KCNIP4: variants seen among roughly 807,000 people sequenced by gnomAD.
KCNIP4 encodes potassium voltage-gated channel interacting protein 4.
Under a neutral mutation model 34.0 loss-of-function variants are expected in KCNIP4, and 12 were observed. The observed-to-expected ratio is 0.35, with a 90% CI of 0.23 to 0.57. The LOEUF (loss-of-function observed/expected upper bound fraction) is 0.57, where lower values mean the gene tolerates loss of function less well. Ranked by LOEUF, KCNIP4 falls within the 20% of genes least tolerant of loss-of-function variation. KCNIP4 has a pLI of 0.83. For missense variants in KCNIP4, 238 were observed against 311.7 expected, an observed-to-expected ratio of 0.76 and a Z score of 1.78; for synonymous variants, 124 against 102.2, an observed-to-expected ratio of 1.21 and a Z score of -1.29.
chr4:21,244,310 G>C (rs777059678), intron 1 of KCNIP4, among the ~76,000 whole-genome samples: 30 of 152,048 alleles, frequency 2.0e-4, no homozygotes. Flanking sequence ...TTCCTTTCCT[G>C]CCACTTTTCC....
At chr4:21,681,823 T>C (rs944373438) in intron 1 of KCNIP4, among the ~76,000 whole-genome samples, 1 of 151,918 alleles carries the variant, frequency 6.6e-6, no homozygotes, top group African/African-American at 2.4e-5. Context: ...AGCAGACACA[T>C]GACAGAGCAA....
In KCNIP4 at chr4:21,293,463, G is replaced by A. The variant is rs142032224; in HGVS notation, c.62-410754C>T. 3.2e-3 allele frequency among the ~76,000 whole-genome samples: 483 copies of A among 152,256 alleles called. 3 individuals are homozygous for A. Among genetic ancestry groups the A allele is most frequent in the Non-Finnish European group, 5.7e-3 (388 of 68,038 alleles). On this transcript the variant is annotated intron_variant, in intron 1 of 8. Transcript: ENST00000382152. ...TTCTTAGCCAATCCTTCGGGAAATA[G>A]GACTACATTCTACTGCAGTCTACTG...
At chr4:20,820,085 GTC>G (rs1291695973) in intron 3 of KCNIP4, among the ~76,000 whole-genome samples, 3 of 152,264 alleles carry the variant, frequency 2.0e-5, no homozygotes, top group African/African-American at 7.2e-5. Context: ...GCTAGAAAAA[GTC>G]TCTATTCCTG....
intron 3 of KCNIP4, among the ~76,000 whole-genome samples, chr4:20,765,447 A>C (rs1336521504): frequency 6.6e-6 from 1 of 152,190 alleles, no homozygotes; most frequent in Non-Finnish European, 1.5e-5. Flanking sequence ...ACCGATTAAA[A>C]TTTATTGTGC....
chr4:20,775,005 C>T (rs927921461), intron 3 of KCNIP4, among the ~76,000 whole-genome samples: 2 of 152,228 alleles, frequency 1.3e-5, no homozygotes, highest in South Asian at 2.1e-4. Context: ...GCATCCCTCT[C>T]TTTTCTGTTT....
intron 2 of KCNIP4, among the ~76,000 whole-genome samples, chr4:20,854,621 C>A (rs1273998723): frequency 6.6e-6 from 1 of 151,934 alleles, no homozygotes; most frequent in Non-Finnish European, 1.5e-5. Context: ...CCACCTGTAC[C>A]CCAATAATTT....
intron 1 of KCNIP4, among the ~76,000 whole-genome samples, chr4:21,621,016 T>C (rs935674306): frequency 2.6e-5 from 4 of 152,190 alleles, no homozygotes; most frequent in Admixed American, 6.5e-5. Flanking sequence ...TATAGAGATA[T>C]CTCAGGCTCC....
intron 1 of KCNIP4, among the ~76,000 whole-genome samples, chr4:21,611,748 C>A (rs1023788394): frequency 1.2e-5 from 1 of 84,138 alleles, no homozygotes; most frequent in Non-Finnish European, 2.2e-5. Context: ...ATGTACCATA[C>A]ATTTTTTGGA....
intron 1 of KCNIP4, chr4:20,983,701 T>G (rs1316202160): frequency 1.2e-5 from 10 of 809,746 alleles, no homozygotes; most frequent in Non-Finnish European, 5.8e-6. Flanking sequence ...ATGCCAAACA[T>G]GCATATTTTA....
At chr4:21,239,254 G>A (rs375071569) in intron 1 of KCNIP4, among the ~76,000 whole-genome samples, 1 of 119,932 alleles carries the variant, frequency 8.3e-6, no homozygotes, top group East Asian at 2.2e-4. Context: ...ACATGTTGGA[G>A]CTAAAACCAT....
chr4:20,955,131 C>T (rs1021501902), intron 1 of KCNIP4, among the ~76,000 whole-genome samples: 40 of 152,264 alleles, frequency 2.6e-4, no homozygotes, highest in Non-Finnish European at 3.5e-4. Context: ...TTGAGCATGG[C>T]AGAGGTCTGG....
chr4:21,434,722 C>A (rs953071963), intron 1 of KCNIP4, among the ~76,000 whole-genome samples: 13 of 150,932 alleles, frequency 8.6e-5, no homozygotes, highest in Non-Finnish European at 1.5e-4. Flanking sequence ...GCAACAGTTT[C>A]ATTCCAAAAC....
In KCNIP4 at chr4:20,770,884, G is replaced by A. The variant is rs543278574; in HGVS notation, c.289-11994C>T. ...CGGGAGGCAGAGGTTGCAGTGAGCCGAGATCATGCCATTGCACTCCAGCCT... is the reference window on the plus strand; with the variant it reads ...CGGGAGGCAGAGGTTGCAGTGAGCCAAGATCATGCCATTGCACTCCAGCCT... On this transcript the variant is annotated intron_variant, in intron 3 of 8. Transcript: ENST00000382152. Among the ~76,000 whole-genome samples the A allele has an allele frequency of 3.9e-5, 6 of 152,178 alleles. No individual in the cohort carries two copies. In the South Asian group the frequency reaches 1.2e-3, roughly 32 times the overall value.
chr4:20,738,794 G>A (rs368101065), intron 5 of KCNIP4, among the ~76,000 whole-genome samples: 47 of 152,250 alleles, frequency 3.1e-4, no homozygotes, highest in Middle Eastern at 6.8e-3. Context: ...GTGGGGCATC[G>A]CCTCACCCAG....
chr4:21,249,185 G>A (rs1050053172), intron 1 of KCNIP4, among the ~76,000 whole-genome samples: 1 of 151,792 alleles, frequency 6.6e-6, no homozygotes, highest in African/African-American at 2.4e-5. Context: ...TATTACATTG[G>A]GTATACTTCC....
At chr4:21,394,939 A>AAAGCACTGGGCTCAC (rs146941907) in intron 1 of KCNIP4, among the ~76,000 whole-genome samples, 1 of 151,666 alleles carries the variant, frequency 6.6e-6, no homozygotes, top group East Asian at 1.9e-4. Context: ...CTGGGCTCAC[A>AAAGCACTGGGCTCAC]AAGCACTGGG....
chr4:21,009,284 A>C (rs1419348082), intron 1 of KCNIP4, among the ~76,000 whole-genome samples: 1 of 152,238 alleles, frequency 6.6e-6, no homozygotes, highest in East Asian at 1.9e-4. Flanking sequence ...TATCCAATGA[A>C]TAAATGAGTG....
chr4:20,917,438 T>C (rs967311057), intron 1 of KCNIP4, among the ~76,000 whole-genome samples: 8 of 152,086 alleles, frequency 5.3e-5, no homozygotes, highest in Non-Finnish European at 1.0e-4. Context: ...AGCACCTCCA[T>C]GCTAAACTGC....
chr4:21,462,795 GTGTGTGTGTGTA>G (rs1560429918), intron 1 of KCNIP4, among the ~76,000 whole-genome samples: 3 of 131,804 alleles, frequency 2.3e-5, no homozygotes, highest in Non-Finnish European at 4.9e-5. Context: ...GTGTGTGTGT[GTGTGTGTGTGTA>G]TGTGTGTCTA....
Sources: gnomAD v4.1 joint callset for allele counts (sites outside exome capture counted in the v4.1 genomes callset) on GRCh38, gnomAD v4.1.1 for gene constraint, MANE v1.5 for transcripts, NCBI Gene and HGNC (gene_info 2026-07-23, HGNC 2026-07-21) for gene names.